Variants in SPMIP6 observed in about 807,000 individuals in gnomAD.
SPMIP6 encodes ciliated bronchial epithelial protein 1.
the SPMIP6 span, chr9:34,379,101 G>GTCTCAGAC: frequency 1.9e-6 from 3 of 1,611,330 alleles, no homozygotes; most frequent in Admixed American, 1.7e-5. This position sits in a 1 kb window ranked among gnomAD's most constrained non-coding sequence, Gnocchi z 4.2. Flanking sequence ...GTCGGGATAG[G>GTCTCAGAC]TCTCAGACAC....
the SPMIP6 span, chr9:34,379,043 T>G: frequency 1.6e-6 from 2 of 1,288,626 alleles, no homozygotes. This position sits in a 1 kb window ranked among gnomAD's most constrained non-coding sequence, Gnocchi z 4.2. Context: ...GTTTATTTAT[T>G]GCTCTGCCCC....
the SPMIP6 span, among the ~76,000 whole-genome samples, chr9:34,388,932 CTTTT>C: frequency 9.0e-4 from 99 of 109,824 alleles, no homozygotes; most frequent in African/African-American, 3.3e-3. Flanking sequence ...CTCTCTCTTT[CTTTT>C]TTTTTTTTTT....
the SPMIP6 span, chr9:34,385,815 GCA>G: frequency 1.9e-6 from 3 of 1,599,120 alleles, no homozygotes; most frequent in Non-Finnish European, 2.6e-6. Flanking sequence ...GTGGTTAGGG[GCA>G]CAGAGACCCC....
At chr9:34,389,682 T>G in the SPMIP6 span, among the ~76,000 whole-genome samples, 1 of 152,234 alleles carries the variant, frequency 6.6e-6, no homozygotes, top group African/African-American at 2.4e-5. Context: ...ATCTTTATGA[T>G]AGTAACTATT....
At chr9:34,380,679 G>C in the SPMIP6 span, 1 of 1,545,854 alleles carries the variant, frequency 6.5e-7, no homozygotes. Context: ...AGGGGTCGGG[G>C]ACTTGGAGTA....
the SPMIP6 span, chr9:34,397,499 C>A: frequency 1.9e-6 from 3 of 1,614,106 alleles, no homozygotes. Context: ...TCCCACTTAC[C>A]GGAGTCAGAA....
the SPMIP6 span, among the ~76,000 whole-genome samples, chr9:34,397,310 C>T: frequency 2.0e-5 from 3 of 152,186 alleles, no homozygotes; most frequent in Non-Finnish European, 4.4e-5. Flanking sequence ...GTTCCTACCT[C>T]CTACCCTAAT....
chr9:34,389,710 T>C, the SPMIP6 span, among the ~76,000 whole-genome samples: 77 of 152,354 alleles, frequency 5.1e-4, no homozygotes, highest in African/African-American at 1.8e-3. Context: ...GTGAGCATGT[T>C]ATATCTCTCC....
chr9:34,387,829 ACT>A, the SPMIP6 span, among the ~76,000 whole-genome samples: 1 of 151,932 alleles, frequency 6.6e-6, no homozygotes, highest in African/African-American at 2.4e-5. Flanking sequence ...TATTTTGCAA[ACT>A]CTAATGTCAA....
chr9:34,391,129 G>A, the SPMIP6 span, among the ~76,000 whole-genome samples: 1 of 152,144 alleles, frequency 6.6e-6, no homozygotes, highest in Non-Finnish European at 1.5e-5. Flanking sequence ...ATCGTTATAG[G>A]AGCATTCAGA....
chr9:34,379,728 CA>C, the SPMIP6 span: 1 of 1,613,710 alleles, frequency 6.2e-7, no homozygotes, highest in Non-Finnish European at 8.5e-7. The surrounding 1 kb of genome is among the most constrained non-coding windows in gnomAD (Gnocchi z 4.2). Flanking sequence ...TAGGGAGGTA[CA>C]CATCTGGAGA....
chr9:34,396,191 C>CAT, the SPMIP6 span, among the ~76,000 whole-genome samples: 1 of 152,032 alleles, frequency 6.6e-6, no homozygotes, highest in African/African-American at 2.4e-5. Context: ...CCTGAAAGGG[C>CAT]ATACGATAAT....
the SPMIP6 span, among the ~76,000 whole-genome samples, chr9:34,384,628 C>T: frequency 6.6e-6 from 1 of 152,134 alleles, no homozygotes; most frequent in Non-Finnish European, 1.5e-5. Context: ...GATGCACATT[C>T]CCAACTTCCA....
the SPMIP6 span, chr9:34,385,815 G>T: frequency 5.0e-6 from 8 of 1,599,118 alleles, no homozygotes; most frequent in East Asian, 1.6e-4. Context: ...GTGGTTAGGG[G>T]CACAGAGACC....
chr9:34,379,227 A>G, the SPMIP6 span: 1 of 1,136,636 alleles, frequency 8.8e-7, no homozygotes, highest in Non-Finnish European at 1.3e-6. This position sits in a 1 kb window ranked among gnomAD's most constrained non-coding sequence, Gnocchi z 4.2. Context: ...CATATGTCAA[A>G]GTGAATATCT....
chr9:34,380,952 C>T, the SPMIP6 span: 2 of 1,604,192 alleles, frequency 1.2e-6, no homozygotes, highest in Middle Eastern at 3.3e-4. Flanking sequence ...GTGCAGGGCG[C>T]CCCGCTGGCG....
the SPMIP6 span, among the ~76,000 whole-genome samples, chr9:34,392,252 TG>T: frequency 6.6e-6 from 1 of 152,036 alleles, no homozygotes; most frequent in South Asian, 2.1e-4. The surrounding 1 kb of genome is among the most constrained non-coding windows in gnomAD (Gnocchi z 4.6). Context: ...TTTGTAGAGA[TG>T]GGGTCTTGTT....
At chr9:34,386,702 C>A in the SPMIP6 span, among the ~76,000 whole-genome samples, 8 of 152,172 alleles carry the variant, frequency 5.3e-5, no homozygotes, top group South Asian at 1.4e-3. Context: ...TGGCCTGGTC[C>A]TCACCCTACC....
chr9:34,389,538 C>T, the SPMIP6 span, among the ~76,000 whole-genome samples: 1 of 152,108 alleles, frequency 6.6e-6, no homozygotes, highest in African/African-American at 2.4e-5. Context: ...CACTACCATG[C>T]CCTGCCAATT....
Sources: allele counts gnomAD v4.1 joint callset (sites outside exome capture counted in the v4.1 genomes callset), GRCh38; gene constraint gnomAD v4.1.1; non-coding constraint Gnocchi (gnomAD v3.1); transcripts MANE v1.5; gene names NCBI Gene and HGNC (gene_info 2026-07-23, HGNC 2026-07-21).